WDR70: variants seen among roughly 807,000 people sequenced by gnomAD.
WDR70 encodes WD repeat-containing protein 70.
WDR70 carries 53 observed loss-of-function variants against 88.6 expected under a neutral mutation model. The ratio of observed to expected loss-of-function variants is 0.60; its 90% CI spans 0.48 to 0.75. WDR70 has a LOEUF of 0.75. Ranked by LOEUF, WDR70 falls within the 30% of genes least tolerant of loss-of-function variation. The probability of loss-of-function intolerance (pLI) is 0.00; values close to 1 mark genes in which losing one functional copy is unlikely to be tolerated. For synonymous variants in WDR70, 280 were observed against 270.0 expected (o/e 1.04, Z -0.36); for missense variants, 610 against 823.2 (o/e 0.74, Z 3.17).
intron 10 of WDR70, among the ~76,000 whole-genome samples, chr5:37,665,778 G>T (rs1206484124): frequency 6.6e-6 from 1 of 152,174 alleles, no homozygotes; most frequent in Non-Finnish European, 1.5e-5. Context: ...CTGGAAAGTT[G>T]CTTTGTCGTA....
At chr5:37,645,659 G>A (rs1488656737) in intron 10 of WDR70, among the ~76,000 whole-genome samples, 1 of 151,920 alleles carries the variant, frequency 6.6e-6, no homozygotes, top group East Asian at 1.9e-4. Context: ...CTCCAATGTT[G>A]GGTGCATATA....
chr5:37,541,441 A>G (rs1373418086), intron 9 of WDR70, among the ~76,000 whole-genome samples: 2 of 152,250 alleles, frequency 1.3e-5, no homozygotes, highest in African/African-American at 4.8e-5. Context: ...TACTTAAAAA[A>G]GTACTTCTGT....
chr5:37,726,824 T>C lies in WDR70; in HGVS notation c.1715-59T>C, dbSNP rs573411608. 3.3e-6 allele frequency: 5 copies of C among 1,513,912 alleles called. No homozygotes were observed. The Admixed American group carries it at 6.7e-5, about 20-fold the overall frequency. 93.8% of individuals were successfully genotyped at this position (1,513,912 alleles called of 1,614,324 possible). ...CAGATAAGTACAGTGTACACAGATA[T>C]ACCTATGTATCCTCATGCTCATTCA... On this transcript the variant is annotated intron_variant, in intron 16 of 17. Transcript: ENST00000265107.
Position 37,752,689 on chromosome 5 carries a change from C to T in WDR70, c.*116C>T, listed in dbSNP as rs2112753526. On this transcript the variant is annotated 3_prime_UTR_variant, in exon 18 of 18. Coordinates refer to ENST00000265107, the MANE Select transcript of WDR70 (RefSeq NM_018034.4). ...TTTTATGAACAGGTTTTGTCCTTTG[C>T]ATTATTGAACTGGTCAAAAGTTTGG... The T allele has an allele frequency of 1.3e-6, 1 of 766,280 alleles. No homozygotes were observed. Among genetic ancestry groups the T allele is most frequent in the East Asian group, 2.9e-5 (1 of 35,032 alleles). The allele number at this position is 766,280 out of a possible 1,614,324, so 47.5% of individuals were successfully genotyped here.
chr5:37,643,279 A>G (rs1470460682), intron 10 of WDR70, among the ~76,000 whole-genome samples: 1 of 152,112 alleles, frequency 6.6e-6, no homozygotes, highest in African/African-American at 2.4e-5. Flanking sequence ...CCTTTGTCAG[A>G]AATGAGTTCA....
At chr5:37,385,061 A>C (rs1214316449) in intron 3 of WDR70, among the ~76,000 whole-genome samples, 3 of 152,190 alleles carry the variant, frequency 2.0e-5, no homozygotes, top group Admixed American at 2.0e-4. Flanking sequence ...ACAGTTTATT[A>C]TAAAGAATAT....
At chr5:37,600,164 C>T (rs952685893) in intron 9 of WDR70, among the ~76,000 whole-genome samples, 2 of 151,986 alleles carry the variant, frequency 1.3e-5, no homozygotes, top group African/African-American at 2.4e-5. Flanking sequence ...AAAGATAAGC[C>T]GAAGACTTGG....
At chr5:37,576,740 G>A (rs1179449092) in intron 9 of WDR70, among the ~76,000 whole-genome samples, 6 of 147,462 alleles carry the variant, frequency 4.1e-5, no homozygotes, top group African/African-American at 1.3e-4. Context: ...GTCCTTAGGT[G>A]CTGTACCGTA....
At chr5:37,395,143 A>T (rs1465715067) in intron 4 of WDR70, among the ~76,000 whole-genome samples, 2 of 152,186 alleles carry the variant, frequency 1.3e-5, no homozygotes, top group Non-Finnish European at 2.9e-5. Flanking sequence ...TGAAAGATTA[A>T]TTGATACAAT....
At position 37,726,894 on chromosome 5, in the gene WDR70, C is replaced by T. The variant is rs916615406; in HGVS notation, c.1726C>T (p.Arg576Ter). 2.5e-6 allele frequency: 4 copies of T among 1,581,782 alleles called. No homozygotes were observed. Among genetic ancestry groups the T allele is most frequent in the Non-Finnish European group, 3.4e-6 (4 of 1,169,160 alleles). ...PPVAGPGRGG[R>*]VGTHGGTLSS... Reference sequence around the variant, plus strand: ...TTCTTTTGCAATAGGTCGTGGTGGCCGAGTTGGAACCCACGGGGGCACTCT... The same window carrying T: ...TTCTTTTGCAATAGGTCGTGGTGGCTGAGTTGGAACCCACGGGGGCACTCT... Residue 576 changes from arginine (R) to a stop codon, truncating the protein, a stop_gained, in exon 17 of 18, where the codon CGA becomes TGA. Coordinates refer to ENST00000265107, the MANE Select transcript of WDR70 (RefSeq NM_018034.4). LOFTEE classifies it high-confidence loss of function.
intron 5 of WDR70, among the ~76,000 whole-genome samples, chr5:37,397,692 C>A (rs560816222): frequency 6.6e-6 from 1 of 152,248 alleles, no homozygotes; most frequent in African/African-American, 2.4e-5. Context: ...TATAAGTTTA[C>A]AATTTTAAGA....
At chr5:37,723,395 A>G (rs1433367066) in intron 15 of WDR70, 1 of 156,398 alleles carries the variant, frequency 6.4e-6, no homozygotes, top group Non-Finnish European at 1.4e-5. Flanking sequence ...CATGTGCTAG[A>G]CTGATCCACA....
chr5:37,496,192 A>G (rs540100832), intron 8 of WDR70, among the ~76,000 whole-genome samples: 1 of 152,356 alleles, frequency 6.6e-6, no homozygotes, highest in Admixed American at 6.5e-5. Context: ...ACCAATCAGC[A>G]GGATGTGGGC....
At chr5:37,620,417 A>G (rs1744476733) in intron 10 of WDR70, among the ~76,000 whole-genome samples, 1 of 152,148 alleles carries the variant, frequency 6.6e-6, no homozygotes, top group South Asian at 2.1e-4. Flanking sequence ...ATTCTGAAAA[A>G]CAGTTTTTAT....
chr5:37,683,954 C>G lies in WDR70; in HGVS notation c.1093-13701C>G, dbSNP rs573264794. Among the ~76,000 whole-genome samples, 40 of 152,162 alleles carry G rather than the reference C, an allele frequency of 2.6e-4. No individual in the cohort carries two copies. The South Asian group carries it at 7.7e-3, about 29-fold the overall frequency. On this transcript the variant is annotated intron_variant, in intron 10 of 17. Transcript: ENST00000265107. ...ATATGTTTTCCAAGTTGTTTCCATTCTCCCCATCTCTTTCAGGGACGCCAA... is the reference window on the plus strand; with the variant it reads ...ATATGTTTTCCAAGTTGTTTCCATTGTCCCCATCTCTTTCAGGGACGCCAA...
intron 10 of WDR70, among the ~76,000 whole-genome samples, chr5:37,696,388 T>G (rs538568200): frequency 6.6e-6 from 1 of 152,316 alleles, no homozygotes; most frequent in East Asian, 1.9e-4. Context: ...TGGATTTTTT[T>G]AGGTGTAAGC....
At chr5:37,650,090 T>G (rs1309216108) in intron 10 of WDR70, among the ~76,000 whole-genome samples, 1 of 149,924 alleles carries the variant, frequency 6.7e-6, no homozygotes, top group Non-Finnish European at 1.5e-5. Flanking sequence ...TAGAACACTG[T>G]TACTAGTTAC....
chr5:37,627,792 A>G (rs1245702035), intron 10 of WDR70, among the ~76,000 whole-genome samples: 6 of 152,124 alleles, frequency 3.9e-5, no homozygotes, highest in Non-Finnish European at 7.4e-5. Flanking sequence ...AAGATGCGTC[A>G]TATCTTGATT....
At position 37,516,491 on chromosome 5, in the gene WDR70, T is replaced by C. The variant is rs763696814; in HGVS notation, c.841-23T>C. On this transcript the variant is annotated intron_variant, in intron 8 of 17. Transcript: ENST00000265107. Reference sequence around the variant, plus strand: ...TTTACCTTTTTAAAACATCTTTTTTTCCCCTTTGTCTTTATTTTTAAGGGT... The same window carrying C: ...TTTACCTTTTTAAAACATCTTTTTTCCCCCTTTGTCTTTATTTTTAAGGGT... 9 of 1,488,030 alleles carry C rather than the reference T, an allele frequency of 6.0e-6. No homozygotes were observed. In the African/African-American group the frequency reaches 1.2e-4, roughly 21 times the overall value. The allele number at this position is 1,488,030 out of a possible 1,614,324, so 92.2% of individuals were successfully genotyped here. A position where few individuals can be genotyped will look rare whatever the true frequency, so the allele number is the denominator to read the frequency against.
Sources: gnomAD v4.1 joint callset for allele counts (sites outside exome capture counted in the v4.1 genomes callset) on GRCh38, gnomAD v4.1.1 for gene constraint, MANE v1.5 for transcripts, NCBI Gene and HGNC (gene_info 2026-07-23, HGNC 2026-07-21) for gene names.